The following LIN28B variants were observed in gnomAD, a reference collection of about 807,000 sequenced individuals.
The protein encoded by LIN28B is protein lin-28 homolog B.
LIN28B carries 5 observed loss-of-function variants against 21.9 expected under a neutral mutation model. That is an observed-to-expected ratio of 0.23 (90% CI 0.12 to 0.48). LIN28B has a LOEUF of 0.48. Among genes scored for constraint, LIN28B ranks in the 20% least tolerant of loss-of-function variants. The probability of loss-of-function intolerance (pLI) is 0.98; values close to 1 mark genes in which losing one functional copy is unlikely to be tolerated. For synonymous variants in LIN28B, 109 were observed against 111.3 expected (o/e 0.98, Z 0.13); for missense variants, 245 against 310.5 (o/e 0.79, Z 1.58).
At chr6:105,052,966 A>T (rs1331270754) in intron 3 of LIN28B, among the ~76,000 whole-genome samples, 1 of 151,800 alleles carries the variant, frequency 6.6e-6, no homozygotes, top group East Asian at 1.9e-4. Context: ...AAAAACTTAG[A>T]CCATTGATTT....
At chr6:105,045,320 CT>C in intron 3 of LIN28B, among the ~76,000 whole-genome samples, 1 of 134,950 alleles carries the variant, frequency 7.4e-6, no homozygotes. Flanking sequence ...GAGTCTCACT[CT>C]TGTCACCCAG....
intron 2 of LIN28B, among the ~76,000 whole-genome samples, chr6:105,009,979 T>A (rs1314448102): frequency 6.6e-6 from 1 of 152,110 alleles, no homozygotes; most frequent in Non-Finnish European, 1.5e-5. Context: ...ATCTACCTTC[T>A]CCCCATTTTC....
intron 2 of LIN28B, among the ~76,000 whole-genome samples, chr6:104,974,882 C>T (rs1418214414): frequency 4.0e-5 from 6 of 151,890 alleles, no homozygotes; most frequent in South Asian, 2.1e-4. Flanking sequence ...TGCAGTGGCA[C>T]GATCTCTGTT....
chr6:104,961,488 C>T (rs1483668459), intron 2 of LIN28B, among the ~76,000 whole-genome samples: 2 of 150,936 alleles, frequency 1.3e-5, no homozygotes, highest in African/African-American at 4.9e-5. Context: ...GCAACCTCCA[C>T]CTCACGAGTT....
chr6:105,042,715 G>T (rs1771661546), intron 3 of LIN28B, among the ~76,000 whole-genome samples: 1 of 151,762 alleles, frequency 6.6e-6, no homozygotes, highest in Non-Finnish European at 1.5e-5. Context: ...TCCTAAACTG[G>T]TTTATGTTAA....
At position 105,044,131 on chromosome 6, in the gene LIN28B, T is replaced by A. The variant is rs115678090; in HGVS notation, c.383+17649T>A. On this transcript the variant is annotated intron_variant, in intron 3 of 3. Transcript: ENST00000345080. ...TTTTAAATCCATCAAAAGTTTTATT[T>A]GTTACATTATATAAAGATTAAGAAG... Among the ~76,000 whole-genome samples, 844 of 152,292 alleles carry A rather than the reference T, an allele frequency of 5.5e-3. 9 individuals are homozygous for A. The highest frequency in any genetic ancestry group is 0.019 in the African/African-American group (806 of 41,574).
intron 2 of LIN28B, among the ~76,000 whole-genome samples, chr6:104,994,256 G>A (rs1582884864): frequency 6.6e-6 from 1 of 151,926 alleles, no homozygotes; most frequent in Admixed American, 6.6e-5. Flanking sequence ...CGCCCGCCTC[G>A]GCCTCCCAAA....
intron 3 of LIN28B, among the ~76,000 whole-genome samples, chr6:105,075,237 C>T (rs186077680): frequency 6.6e-6 from 1 of 152,248 alleles, no homozygotes; most frequent in African/African-American, 2.4e-5. Flanking sequence ...GCTCACATCA[C>T]AATGTAAAAT....
chr6:105,053,728 T>TGTGTGTGG lies in LIN28B; in HGVS notation c.384-24679_384-24678insGGTGTGTG, dbSNP rs1253637828. On this transcript the variant is annotated intron_variant, in intron 3 of 3. Coordinates refer to ENST00000345080, the MANE Select transcript of LIN28B (RefSeq NM_001004317.4). ...GTGTGTGGGTGCGTGTGTGTGTGTG[T>TGTGTGTGG]GTGTGTGTGTGTGTGTATTTTGAGA... 3.4e-4 allele frequency among the ~76,000 whole-genome samples: 52 copies of TGTGTGTGG among 151,920 alleles called. 1 individual carries two copies. The East Asian group carries it at 9.9e-3, about 29-fold the overall frequency.
At chr6:105,047,395 G>A (rs1425780527) in intron 3 of LIN28B, among the ~76,000 whole-genome samples, 4 of 152,170 alleles carry the variant, frequency 2.6e-5, no homozygotes, top group Admixed American at 2.6e-4. Flanking sequence ...TTTGGTACCA[G>A]TAGCATGCTG....
At chr6:105,067,828 G>A (rs1772248825) in intron 3 of LIN28B, among the ~76,000 whole-genome samples, 1 of 152,046 alleles carries the variant, frequency 6.6e-6, no homozygotes, top group African/African-American at 2.4e-5. Flanking sequence ...CTGGTTTATA[G>A]CTATGCCTGA....
intron 2 of LIN28B, among the ~76,000 whole-genome samples, chr6:104,975,479 C>G (rs1454424725): frequency 2.0e-5 from 3 of 152,136 alleles, no homozygotes; most frequent in Admixed American, 2.0e-4. Context: ...AACTGATTAT[C>G]CAAAGCCACT....
At chr6:104,962,688 T>A (rs1234958932) in intron 2 of LIN28B, among the ~76,000 whole-genome samples, 1 of 152,144 alleles carries the variant, frequency 6.6e-6, no homozygotes, top group African/African-American at 2.4e-5. Context: ...GGAAAACAAA[T>A]TTATTTCAGT....
At chr6:105,063,843 A>ATT (rs1362669947) in intron 3 of LIN28B, among the ~76,000 whole-genome samples, 54 of 49,632 alleles carry the variant, frequency 1.1e-3, no homozygotes, top group Admixed American at 3.8e-3. Flanking sequence ...TCAGTCTTAA[A>ATT]ATTTTTTTTT....
intron 2 of LIN28B, among the ~76,000 whole-genome samples, chr6:104,977,501 ACT>A (rs1314716190): frequency 1.3e-5 from 2 of 151,686 alleles, no homozygotes; most frequent in Non-Finnish European, 2.9e-5. Context: ...TGAATTGTAA[ACT>A]CTATGTGGAA....
At chr6:105,037,991 C>G (rs965698606) in intron 3 of LIN28B, among the ~76,000 whole-genome samples, 1 of 151,994 alleles carries the variant, frequency 6.6e-6, no homozygotes, top group Non-Finnish European at 1.5e-5. Flanking sequence ...TAAGGCAAAG[C>G]TTTACAACAA....
At chr6:104,956,430 GGTTTACCTAA>G (rs1778291704), upstream of LIN28B, among the ~76,000 whole-genome samples, 1 of 152,130 alleles carries the variant, frequency 6.6e-6, no homozygotes, top group East Asian at 1.9e-4. Context: ...TTTCCAAAAT[GGTTTACCTAA>G]ACACAATTTG....
Position 104,958,188 on chromosome 6 carries a change from T to A in LIN28B, c.100T>A (p.Cys34Ser). The A allele has an allele frequency of 6.2e-7, 1 of 1,609,354 alleles. No individual in the cohort carries two copies. The highest frequency in any genetic ancestry group is 8.5e-7 in the Non-Finnish European group (1 of 1,176,278). ...ESQVLRGTGH[C>S]KWFNVRMGFG... ...CCAGGTTTTGCGCGGAACTGGCCAC[T>A]GTAAGTGGTTCAATGTGCGCATGGG... is the stretch of plus-strand genomic sequence containing the variant. Residue 34 changes from cysteine (C) to serine (S), a missense_variant, in exon 2 of 4, where the codon TGT becomes AGT. Physicochemically the swap from Cys to Ser is moderately radical, Grantham distance 112 (BLOSUM62 -1). Transcript: ENST00000345080.
intron 2 of LIN28B, among the ~76,000 whole-genome samples, chr6:104,977,512 A>C (rs1321807677): frequency 6.6e-6 from 1 of 151,970 alleles, no homozygotes; most frequent in African/African-American, 2.4e-5. Flanking sequence ...CTCTATGTGG[A>C]AATTGTTTTA....
Sources: gnomAD v4.1 joint callset for allele counts (sites outside exome capture counted in the v4.1 genomes callset) on GRCh38, gnomAD v4.1.1 for gene constraint, MANE v1.5 for transcripts, NCBI Gene and HGNC (gene_info 2026-07-23, HGNC 2026-07-21) for gene names.